ANKRD6: variants seen among roughly 807,000 people sequenced by gnomAD.
The protein encoded by ANKRD6 is ankyrin repeat domain 6.
In ANKRD6, 56 loss-of-function variants were observed where a neutral mutation model predicts 82.3. The ratio of observed to expected loss-of-function variants is 0.68; its 90% CI spans 0.55 to 0.85. The LOEUF (loss-of-function observed/expected upper bound fraction) is 0.85. Ranked by LOEUF, ANKRD6 falls within the 40% of genes least tolerant of loss-of-function variation. The pLI is 0.00. For synonymous variants in ANKRD6, 347 were observed against 352.1 expected (o/e 0.99, Z 0.16); for missense variants, 852 against 907.6 (o/e 0.94, Z 0.79).
chr6:89,570,061 A>ATGTGTGTGTGTGTG (rs1322156749), intron 2 of ANKRD6, among the ~76,000 whole-genome samples: 2 of 72,842 alleles, frequency 2.7e-5, no homozygotes, highest in Non-Finnish European at 6.1e-5. Flanking sequence ...GTATGTGTGT[A>ATGTGTGTGTGTGTG]TATGTGTGTG....
intron 1 of ANKRD6, among the ~76,000 whole-genome samples, chr6:89,441,255 A>C (rs1771340499): frequency 6.6e-6 from 1 of 151,838 alleles, no homozygotes; most frequent in Non-Finnish European, 1.5e-5. Context: ...GGTTCAGGTG[A>C]TTCTCCTGCC....
intron 1 of ANKRD6, among the ~76,000 whole-genome samples, chr6:89,453,974 C>T (rs1474106413): frequency 7.3e-5 from 11 of 151,524 alleles, no homozygotes; most frequent in South Asian, 2.1e-4. Context: ...GCTAACTTTT[C>T]GTATTTTTAG....
At chr6:89,576,212 T>A (rs1402435645) in intron 2 of ANKRD6, among the ~76,000 whole-genome samples, 1 of 152,054 alleles carries the variant, frequency 6.6e-6, no homozygotes, top group Non-Finnish European at 1.5e-5. Flanking sequence ...CCACCACGCC[T>A]GGCTAATTTT....
chr6:89,528,775 A>G (rs545088226), intron 1 of ANKRD6, among the ~76,000 whole-genome samples: 59 of 152,342 alleles, frequency 3.9e-4, no homozygotes, highest in African/African-American at 1.4e-3. Context: ...TGAAGGATGG[A>G]TGTTTTGTTT....
rs761695900 is a variant in ANKRD6, at chr6:89,624,538, G to C, written c.1219-1G>C. On this transcript the variant is annotated splice_acceptor_variant, in intron 12 of 15. Coordinates refer to ENST00000339746, the MANE Select transcript of ANKRD6 (RefSeq NM_001242809.2). LOFTEE classifies it high-confidence loss of function. ...TGATTCCTTTTTTGTTTCTCTCTTAGGCACCAATAAATGGTTGTCGATGTG... is the reference window on the plus strand; with the variant it reads ...TGATTCCTTTTTTGTTTCTCTCTTACGCACCAATAAATGGTTGTCGATGTG... 1 of 1,552,274 alleles carries C rather than the reference G, an allele frequency of 6.4e-7. No homozygotes were observed. The highest frequency in any genetic ancestry group is 8.7e-7 in the Non-Finnish European group (1 of 1,147,160).
At chr6:89,444,334 T>C (rs753828371) in intron 1 of ANKRD6, among the ~76,000 whole-genome samples, 18 of 152,166 alleles carry the variant, frequency 1.2e-4, no homozygotes, top group African/African-American at 2.7e-4. Context: ...CTGGCACCTG[T>C]TGGATTTTTA....
At chr6:89,598,277 T>C (rs918663521) in intron 3 of ANKRD6, 72 of 985,208 alleles carry the variant, frequency 7.3e-5, no homozygotes, top group Non-Finnish European at 8.3e-5. Flanking sequence ...GCTAATGCCA[T>C]CTCTGATTGG....
chr6:89,491,218 T>A (rs1325807579), intron 1 of ANKRD6, among the ~76,000 whole-genome samples: 4 of 152,222 alleles, frequency 2.6e-5, no homozygotes, highest in African/African-American at 7.2e-5. Context: ...TGTGGTAATC[T>A]GTTATGACAA....
intron 1 of ANKRD6, among the ~76,000 whole-genome samples, chr6:89,512,202 A>G (rs773668551): frequency 3.3e-5 from 5 of 152,234 alleles, no homozygotes; most frequent in Non-Finnish European, 4.4e-5. Flanking sequence ...ACTTCCATGC[A>G]TAGATGGTAT....
intron 1 of ANKRD6, among the ~76,000 whole-genome samples, chr6:89,477,090 A>G (rs543764501): frequency 4.3e-4 from 65 of 151,884 alleles, no homozygotes; most frequent in African/African-American, 1.5e-3. Context: ...GACTACAGGC[A>G]CCCCCTACCA....
chr6:89,550,484 C>T (rs1312943525), intron 1 of ANKRD6, among the ~76,000 whole-genome samples: 1 of 151,976 alleles, frequency 6.6e-6, no homozygotes, highest in Admixed American at 6.6e-5. Context: ...GCAAAACTGA[C>T]CTGCAATATT....
chr6:89,616,723 T>C, intron 8 of ANKRD6, 66 bp downstream of exon 8: 1 of 1,483,572 alleles, frequency 6.7e-7, no homozygotes. Flanking sequence ...GGATGTGTAC[T>C]AAACCCCTGC....
At chr6:89,447,754 T>C (rs745656421) in intron 1 of ANKRD6, among the ~76,000 whole-genome samples, 1 of 152,162 alleles carries the variant, frequency 6.6e-6, no homozygotes, top group Non-Finnish European at 1.5e-5. Flanking sequence ...AATGGTGTGA[T>C]GTCGGGTCAC....
In ANKRD6 at chr6:89,492,212, C is replaced by T. The variant is rs182050765; in HGVS notation, c.-144+58837C>T. On this transcript the variant is annotated intron_variant, in intron 1 of 15. Coordinates refer to ENST00000339746, the MANE Select transcript of ANKRD6 (RefSeq NM_001242809.2). Reference sequence around the variant, plus strand: ...GAGCGCCGGGGCTGGGAGACAGAGCCCTGTTTGGGAAGAGAGAAGGGAGCA... The same window carrying T: ...GAGCGCCGGGGCTGGGAGACAGAGCTCTGTTTGGGAAGAGAGAAGGGAGCA... Among the ~76,000 whole-genome samples the T allele has an allele frequency of 2.0e-3, 311 of 152,198 alleles. 1 individual carries two copies. The highest frequency in any genetic ancestry group is 7.3e-3 in the African/African-American group (305 of 41,518).
chr6:89,613,724 C>A (rs1800802001), intron 6 of ANKRD6, 68 bp from the exon 7 acceptor site: 2 of 1,412,644 alleles, frequency 1.4e-6, no homozygotes, highest in Non-Finnish European at 2.0e-6. Flanking sequence ...ATAACATTTT[C>A]TTTCTACTTT....
chr6:89,598,453 C>T, intron 3 of ANKRD6: 2 of 981,802 alleles, frequency 2.0e-6, no homozygotes, highest in Non-Finnish European at 2.4e-6. Flanking sequence ...GCTTTACACA[C>T]CTAACCTGTC....
intron 1 of ANKRD6, among the ~76,000 whole-genome samples, chr6:89,553,558 T>C (rs1786153034): frequency 6.6e-6 from 1 of 152,208 alleles, no homozygotes. Context: ...AGACATTTAA[T>C]TCCCCGCTAG....
intron 4 of ANKRD6, among the ~76,000 whole-genome samples, chr6:89,604,554 TACAG>T (rs1798055470): frequency 6.6e-6 from 1 of 152,004 alleles, no homozygotes; most frequent in African/African-American, 2.4e-5. Context: ...ATAATATACA[TACAG>T]AAAAGTGGAC....
At chr6:89,615,284 T>C (rs1197845617) in intron 7 of ANKRD6, among the ~76,000 whole-genome samples, 2 of 152,106 alleles carry the variant, frequency 1.3e-5, no homozygotes, top group Non-Finnish European at 2.9e-5. Flanking sequence ...CCCACCCCAG[T>C]TGAAAGAGTC....
Sources: gnomAD v4.1 joint callset for allele counts (sites outside exome capture counted in the v4.1 genomes callset) on GRCh38, gnomAD v4.1.1 for gene constraint, MANE v1.5 for transcripts, NCBI Gene and HGNC (gene_info 2026-07-23, HGNC 2026-07-21) for gene names.